RGS7: variants seen among roughly 807,000 people sequenced by gnomAD.
The protein encoded by RGS7 is regulator of G-protein signaling 7.
RGS7 carries 27 observed loss-of-function variants against 81.1 expected under a neutral mutation model. The observed-to-expected ratio is 0.33, with a 90% confidence interval of 0.25 to 0.46. The LOEUF is 0.46. Ranked by LOEUF, RGS7 falls within the 20% of genes least tolerant of loss-of-function variation. The probability of loss-of-function intolerance (pLI) is 1.00; values close to 1 mark genes in which losing one functional copy is unlikely to be tolerated. For missense variants in RGS7, 396 were observed against 607.4 expected, an observed-to-expected ratio of 0.65 and a Z score of 3.66; for synonymous variants, 208 against 207.7, an observed-to-expected ratio of 1.00 and a Z score of -0.01.
chr1:241,033,094 G>A (rs532055854), intron 3 of RGS7, among the ~76,000 whole-genome samples: 3 of 152,348 alleles, frequency 2.0e-5, no homozygotes, highest in Admixed American at 6.5e-5. Flanking sequence ...GGTAGCTCAC[G>A]CCTGCAACCC....
At chr1:241,035,442 G>A (rs527514836) in intron 3 of RGS7, among the ~76,000 whole-genome samples, 61 of 152,248 alleles carry the variant, frequency 4.0e-4, no homozygotes, top group African/African-American at 1.5e-3. Context: ...TTCTGGTTGG[G>A]ATAATTATGA....
chr1:240,965,870 A>T (rs913316516), intron 4 of RGS7, among the ~76,000 whole-genome samples: 2 of 152,188 alleles, frequency 1.3e-5, no homozygotes, highest in Non-Finnish European at 2.9e-5. Context: ...CTGTTAGTAA[A>T]TCGGGCACAT....
intron 4 of RGS7, among the ~76,000 whole-genome samples, chr1:240,963,182 G>A (rs1256390418): frequency 6.6e-6 from 1 of 152,118 alleles, no homozygotes; most frequent in African/African-American, 2.4e-5. Context: ...CTGATATTTA[G>A]GAGGCAAAGT....
chr1:240,835,260 C>T (rs1267253674), intron 9 of RGS7, among the ~76,000 whole-genome samples: 1 of 152,150 alleles, frequency 6.6e-6, no homozygotes, highest in African/African-American at 2.4e-5. Flanking sequence ...GATACCACAA[C>T]CCAATTAACA....
intron 3 of RGS7, among the ~76,000 whole-genome samples, chr1:241,094,311 A>C (rs577470056): frequency 2.0e-5 from 3 of 151,834 alleles, no homozygotes; most frequent in East Asian, 3.9e-4. Flanking sequence ...AGTTCTGGGA[A>C]TCTCAACAGA....
chr1:241,232,272 G>T (rs1017031821), intron 2 of RGS7, among the ~76,000 whole-genome samples: 7 of 151,782 alleles, frequency 4.6e-5, no homozygotes, highest in African/African-American at 1.5e-4. Context: ...CTGCACCCTT[G>T]GACTCCTGGG....
intron 2 of RGS7, among the ~76,000 whole-genome samples, chr1:241,339,692 C>G (rs1310250395): frequency 6.6e-6 from 1 of 152,196 alleles, no homozygotes; most frequent in Non-Finnish European, 1.5e-5. Context: ...TGATTGCATT[C>G]TGGCCTGCAA....
At chr1:240,887,228 T>TG (rs56882265) in intron 6 of RGS7, among the ~76,000 whole-genome samples, 3 of 144,018 alleles carry the variant, frequency 2.1e-5, no homozygotes, top group East Asian at 2.0e-4. Flanking sequence ...GTATATAGGT[T>TG]TTTTTTTTTT....
intron 2 of RGS7, among the ~76,000 whole-genome samples, chr1:241,113,677 T>C (rs900028949): frequency 3.3e-5 from 5 of 152,214 alleles, no homozygotes; most frequent in Non-Finnish European, 7.3e-5. Context: ...GGTCCGTCAT[T>C]TGATGAATGA....
rs754423819 is a variant in RGS7, at chr1:240,868,691, T to C, written c.528-23A>G. The C allele has an allele frequency of 2.5e-6, 4 of 1,611,954 alleles. No homozygotes were observed. The Admixed American group carries it at 6.7e-5, about 27-fold the overall frequency. ...ACTCTGTCAACACAGTAACAATAGA[T>C]AACATTTAGTATTAATTGTAGTGCC... On this transcript the variant is annotated intron_variant, in intron 8 of 18. Transcript: ENST00000440928. This position sits in a 1 kb window ranked among gnomAD's most constrained non-coding sequence, Gnocchi z 5.1.
At chr1:240,832,847 T>A (rs927417165) in intron 9 of RGS7, among the ~76,000 whole-genome samples, 1 of 152,134 alleles carries the variant, frequency 6.6e-6, no homozygotes, top group Admixed American at 6.6e-5. Context: ...TAAAAAATCA[T>A]GATTCTGGGA....
chr1:241,170,380 A>C (rs1403443963), intron 2 of RGS7, among the ~76,000 whole-genome samples: 1 of 152,180 alleles, frequency 6.6e-6, no homozygotes, highest in African/African-American at 2.4e-5. Context: ...ATCTGCATGA[A>C]TCAACCTTGA....
chr1:241,086,373 T>C (rs1221425444), intron 3 of RGS7, among the ~76,000 whole-genome samples: 1 of 152,166 alleles, frequency 6.6e-6, no homozygotes, highest in African/African-American at 2.4e-5. Context: ...TCACTGTTGG[T>C]AGGGCCTTCT....
chr1:240,902,089 G>A (rs1341434183), intron 6 of RGS7, among the ~76,000 whole-genome samples: 1 of 152,074 alleles, frequency 6.6e-6, no homozygotes, highest in East Asian at 1.9e-4. Flanking sequence ...CCCACAAAAT[G>A]GTTTCCATAA....
At chr1:240,984,963 T>C (rs1167181829) in intron 3 of RGS7, among the ~76,000 whole-genome samples, 1 of 152,164 alleles carries the variant, frequency 6.6e-6, no homozygotes. Context: ...CTTTTACAGC[T>C]GCCATGGATT....
intron 3 of RGS7, among the ~76,000 whole-genome samples, chr1:241,039,529 T>TCTA (rs971466657): frequency 6.6e-6 from 1 of 152,056 alleles, no homozygotes; most frequent in African/African-American, 2.4e-5. Context: ...AAGGTAGATT[T>TCTA]AGAAGAGATT....
intron 3 of RGS7, among the ~76,000 whole-genome samples, chr1:241,015,577 G>A (rs2059177315): frequency 6.6e-6 from 1 of 152,092 alleles, no homozygotes; most frequent in African/African-American, 2.4e-5. Context: ...ACAGTCTTGT[G>A]CATTTTAGAG....
chr1:240,843,001 A>T (rs974860776), intron 9 of RGS7, among the ~76,000 whole-genome samples: 1 of 151,286 alleles, frequency 6.6e-6, no homozygotes, highest in Non-Finnish European at 1.5e-5. Flanking sequence ...CATCTCTACT[A>T]AAAAAATACA....
chr1:241,032,923 A>T (rs2060148118), intron 3 of RGS7, among the ~76,000 whole-genome samples: 1 of 152,130 alleles, frequency 6.6e-6, no homozygotes, highest in Non-Finnish European at 1.5e-5. Context: ...TATTGTCAGC[A>T]AGCAGAGATA....
Sources: gnomAD v4.1 joint callset for allele counts (sites outside exome capture counted in the v4.1 genomes callset) on GRCh38, gnomAD v4.1.1 for gene constraint, Gnocchi (gnomAD v3.1) non-coding constraint, MANE v1.5 for transcripts, NCBI Gene and HGNC (gene_info 2026-07-23, HGNC 2026-07-21) for gene names.